Variants in NDUFV2 observed in about 807,000 individuals in gnomAD.
NDUFV2 encodes the protein NADH dehydrogenase [ubiquinone] flavoprotein 2, mitochondrial.
In NDUFV2, 18 loss-of-function variants were observed where a neutral mutation model predicts 31.6. The ratio of observed to expected loss-of-function variants is 0.57; its 90% CI spans 0.39 to 0.84. The LOEUF (loss-of-function observed/expected upper bound fraction) is 0.84, where lower values mean the gene tolerates loss of function less well. Ranked by LOEUF, NDUFV2 falls within the 40% of genes least tolerant of loss-of-function variation. NDUFV2 has a pLI of 0.00. For synonymous variants in NDUFV2, 83 were observed against 99.8 expected, an observed-to-expected ratio of 0.83 and a Z score of 1.01; for missense variants, 314 against 303.6, an observed-to-expected ratio of 1.03 and a Z score of -0.26.
intron 4 of NDUFV2, among the ~76,000 whole-genome samples, chr18:9,120,933 TA>T (rs1200828839): frequency 3.3e-5 from 5 of 152,026 alleles, no homozygotes; most frequent in African/African-American, 1.2e-4. Context: ...AAAATAAAAA[TA>T]AATAAGAAAC....
chr18:9,119,765 A>T (rs573316973), intron 4 of NDUFV2, among the ~76,000 whole-genome samples, 175 bp downstream of exon 4: 2 of 151,844 alleles, frequency 1.3e-5, no homozygotes, highest in Admixed American at 1.3e-4. Context: ...CCCTTAATGC[A>T]TAGAGGTGAT....
intron 1 of NDUFV2, chr18:9,104,013 G>A: frequency 1.3e-6 from 1 of 750,702 alleles, no homozygotes; most frequent in Non-Finnish European, 2.0e-6. Flanking sequence ...CATGTAAGAG[G>A]AACTTTAAGG....
At chr18:9,125,075 C>G in intron 6 of NDUFV2, 92 bp downstream of exon 6, 1 of 1,323,356 alleles carries the variant, frequency 7.6e-7, no homozygotes, top group Non-Finnish European at 1.0e-6. Context: ...ATGTTGGTTT[C>G]TGAATTACTC....
chr18:9,126,744 G>T, intron 6 of NDUFV2, 87 bp from the exon 7 acceptor site: 1 of 1,219,026 alleles, frequency 8.2e-7, no homozygotes, highest in Non-Finnish European at 1.2e-6. Flanking sequence ...AGACCAGCCT[G>T]GGCAACATAG....
At chr18:9,110,694 G>T (rs962354793) in intron 1 of NDUFV2, among the ~76,000 whole-genome samples, 1 of 152,120 alleles carries the variant, frequency 6.6e-6, no homozygotes, top group Admixed American at 6.5e-5. Context: ...TTTTTGTAGA[G>T]ACAGGGTTTC....
chr18:9,111,411 C>T (rs2077869127), intron 1 of NDUFV2, among the ~76,000 whole-genome samples: 1 of 152,150 alleles, frequency 6.6e-6, no homozygotes, highest in South Asian at 2.1e-4. Context: ...GAATATTAAG[C>T]ACTTTACATG....
intron 2 of NDUFV2, among the ~76,000 whole-genome samples, chr18:9,118,810 G>C (rs964541894): frequency 4.9e-5 from 6 of 122,700 alleles, no homozygotes; most frequent in Admixed American, 4.5e-4. Context: ...GAAAGAGATG[G>C]TGCTGTTTTT....
intron 1 of NDUFV2, among the ~76,000 whole-genome samples, chr18:9,108,480 A>T (rs967194771): frequency 4.6e-5 from 7 of 152,116 alleles, no homozygotes; most frequent in African/African-American, 1.7e-4. Context: ...TAATTTTCTC[A>T]CCTGTAAAAC....
intron 5 of NDUFV2, among the ~76,000 whole-genome samples, chr18:9,123,316 C>G (rs2077956150): frequency 6.6e-6 from 1 of 151,882 alleles, no homozygotes; most frequent in Non-Finnish European, 1.5e-5. Context: ...GGCTCAAACC[C>G]CCCCACCCCC....
At chr18:9,126,693 G>C (rs1489802758) in intron 6 of NDUFV2, 138 bp from the exon 7 acceptor site, 10 of 722,196 alleles carry the variant, frequency 1.4e-5, no homozygotes, top group Non-Finnish European at 2.4e-5. Context: ...CCAGCACTTT[G>C]GGAGGCTGAG....
chr18:9,114,905 T>C (rs1237924483), intron 1 of NDUFV2, among the ~76,000 whole-genome samples: 1 of 152,190 alleles, frequency 6.6e-6, no homozygotes, highest in Non-Finnish European at 1.5e-5. Flanking sequence ...TAAAGAATAA[T>C]TTTCAAGATT....
At chr18:9,104,649 ACT>A (rs1468272953) in intron 1 of NDUFV2, among the ~76,000 whole-genome samples, 1 of 151,638 alleles carries the variant, frequency 6.6e-6, no homozygotes, top group African/African-American at 2.4e-5. Flanking sequence ...TGTTTCTGGA[ACT>A]CTCTTTCTCT....
intron 7 of NDUFV2, among the ~76,000 whole-genome samples, chr18:9,128,796 T>C (rs2078014567): frequency 6.6e-6 from 1 of 152,246 alleles, no homozygotes; most frequent in African/African-American, 2.4e-5. Flanking sequence ...CCATAACTTC[T>C]TTCACCTTTT....
intron 1 of NDUFV2, among the ~76,000 whole-genome samples, chr18:9,113,022 T>C (rs1249719418): frequency 6.6e-6 from 1 of 152,094 alleles, no homozygotes; most frequent in African/African-American, 2.4e-5. Context: ...TGTTATCTAA[T>C]ATTCCATAAA....
chr18:9,127,378 G>A (rs990519552), intron 7 of NDUFV2, among the ~76,000 whole-genome samples: 6 of 152,054 alleles, frequency 3.9e-5, no homozygotes, highest in South Asian at 4.1e-4. Context: ...ACATAGCTTT[G>A]GTCTCCCTCT....
chr18:9,106,802 G>T (rs1568185925), intron 1 of NDUFV2, among the ~76,000 whole-genome samples: 1 of 152,134 alleles, frequency 6.6e-6, no homozygotes, highest in African/African-American at 2.4e-5. Flanking sequence ...CTCTAGAGGT[G>T]AATGTCTTTT....
intron 1 of NDUFV2, among the ~76,000 whole-genome samples, chr18:9,115,383 A>G (rs1236210130): frequency 6.6e-6 from 1 of 152,064 alleles, no homozygotes; most frequent in Non-Finnish European, 1.5e-5. Context: ...TATTTTTGTT[A>G]GCTACATAAC....
At chr18:9,121,354 A>T (rs1386816115) in intron 4 of NDUFV2, 1 of 152,184 alleles carries the variant, frequency 6.6e-6, no homozygotes, top group Non-Finnish European at 1.5e-5. Flanking sequence ...CTAATTAGAC[A>T]GTCAGAGCCT....
At chr18:9,106,254 T>A (rs1477184528) in intron 1 of NDUFV2, among the ~76,000 whole-genome samples, 2 of 152,226 alleles carry the variant, frequency 1.3e-5, no homozygotes, top group Non-Finnish European at 2.9e-5. Context: ...TTCCAAACTC[T>A]CACTGAGGCC....
Sources: gnomAD v4.1 joint callset for allele counts (sites outside exome capture counted in the v4.1 genomes callset) on GRCh38, gnomAD v4.1.1 for gene constraint, MANE v1.5 for transcripts, NCBI Gene and HGNC (gene_info 2026-07-23, HGNC 2026-07-21) for gene names.